The following SLC25A21 variants were observed in gnomAD, a reference collection of about 807,000 sequenced individuals.
SLC25A21 encodes mitochondrial 2-oxodicarboxylate carrier.
SLC25A21 carries 47 observed loss-of-function variants against 43.8 expected under a neutral mutation model. The ratio of observed to expected loss-of-function variants is 1.07; its 90% CI spans 0.85 to 1.37. SLC25A21 has a LOEUF of 1.37. Ranked by LOEUF, SLC25A21 falls within the 40% of genes most tolerant of loss-of-function variation. The probability of loss-of-function intolerance (pLI) is 0.00; values close to 1 mark genes in which losing one functional copy is unlikely to be tolerated. For missense variants in SLC25A21, 352 were observed against 350.2 expected, an observed-to-expected ratio of 1.00 and a Z score of -0.04; for synonymous variants, 131 against 121.3, an observed-to-expected ratio of 1.08 and a Z score of -0.52.
At chr14:36,835,021 A>C (rs1410673739) in intron 2 of SLC25A21, among the ~76,000 whole-genome samples, 2 of 152,234 alleles carry the variant, frequency 1.3e-5, no homozygotes, top group Admixed American at 6.5e-5. Flanking sequence ...AAAGTAAACA[A>C]AAATCAATTT....
intron 2 of SLC25A21, among the ~76,000 whole-genome samples, chr14:36,837,782 T>C (rs1327769868): frequency 2.0e-5 from 3 of 152,198 alleles, no homozygotes; most frequent in Admixed American, 2.0e-4. Context: ...CTCCTCACAC[T>C]GAAAGACTTC....
chr14:36,849,225 C>T (rs1235285568), intron 2 of SLC25A21, among the ~76,000 whole-genome samples: 1 of 152,170 alleles, frequency 6.6e-6, no homozygotes, highest in East Asian at 1.9e-4. Context: ...GATAACTCTC[C>T]TCTGATTTCT....
intron 1 of SLC25A21, among the ~76,000 whole-genome samples, chr14:37,163,293 A>ATAAT (rs1440179739): frequency 2.0e-5 from 2 of 102,526 alleles, no homozygotes; most frequent in African/African-American, 5.5e-5. Flanking sequence ...AAGTATAATA[A>ATAAT]TAATAAATAA....
intron 2 of SLC25A21, among the ~76,000 whole-genome samples, chr14:36,844,851 A>G (rs1889494079): frequency 6.6e-6 from 1 of 152,214 alleles, no homozygotes; most frequent in East Asian, 1.9e-4. Context: ...GAGACTGGCC[A>G]AGGGCTAATA....
chr14:36,972,176 G>A (rs79260707), intron 1 of SLC25A21, among the ~76,000 whole-genome samples: 5,780 of 152,198 alleles, frequency 0.038, 249 homozygotes, highest in East Asian at 0.15. Flanking sequence ...ATGCTGTACA[G>A]GTTTGTAGCC....
intron 9 of SLC25A21, among the ~76,000 whole-genome samples, chr14:36,681,363 T>A (rs1360072803): frequency 6.6e-6 from 1 of 152,198 alleles, no homozygotes; most frequent in Non-Finnish European, 1.5e-5. Flanking sequence ...GAGACCACCA[T>A]TTGTCTTGGA....
chr14:36,699,556 G>A (rs930534036), intron 7 of SLC25A21, among the ~76,000 whole-genome samples: 2 of 152,218 alleles, frequency 1.3e-5, no homozygotes, highest in African/African-American at 4.8e-5. Context: ...TACCCACAGA[G>A]GTGGAGTCTA....
At chr14:37,079,682 A>G (rs1380315942) in intron 1 of SLC25A21, among the ~76,000 whole-genome samples, 1 of 152,184 alleles carries the variant, frequency 6.6e-6, no homozygotes, top group Non-Finnish European at 1.5e-5. Context: ...TCCTGCTCAG[A>G]CCAAAGATTT....
At chr14:36,859,358 G>T (rs959277159) in intron 2 of SLC25A21, among the ~76,000 whole-genome samples, 3 of 152,154 alleles carry the variant, frequency 2.0e-5, no homozygotes, top group African/African-American at 7.2e-5. Context: ...CATGAGTTGT[G>T]CAAGTAAAAA....
chr14:36,885,979 G>A (rs566572771), intron 1 of SLC25A21, among the ~76,000 whole-genome samples: 1 of 152,240 alleles, frequency 6.6e-6, no homozygotes, highest in African/African-American at 2.4e-5. Flanking sequence ...CTGATTTTGT[G>A]TAATATTCTT....
intron 2 of SLC25A21, among the ~76,000 whole-genome samples, chr14:36,842,633 C>T (rs1361172191): frequency 1.3e-5 from 2 of 152,066 alleles, no homozygotes; most frequent in East Asian, 1.9e-4. Flanking sequence ...TATATTGGTG[C>T]CAATAAAGAA....
intron 1 of SLC25A21, among the ~76,000 whole-genome samples, chr14:37,083,450 T>C (rs912734236): frequency 6.6e-6 from 1 of 152,200 alleles, no homozygotes; most frequent in Non-Finnish European, 1.5e-5. Context: ...ACTACAATAA[T>C]GCCAAACACA....
At chr14:36,718,099 A>G (rs1765633159) in intron 6 of SLC25A21, among the ~76,000 whole-genome samples, 1 of 152,210 alleles carries the variant, frequency 6.6e-6, no homozygotes, top group Admixed American at 6.5e-5. Context: ...GGCAACTTGC[A>G]GAGTGTCTGA....
At chr14:37,134,150 G>A (rs537303346) in intron 1 of SLC25A21, among the ~76,000 whole-genome samples, 8 of 152,170 alleles carry the variant, frequency 5.3e-5, no homozygotes, top group Non-Finnish European at 7.3e-5. Context: ...AGAAGTTAGC[G>A]ACAGTCTTGA....
chr14:36,779,378 T>C (rs1192169371), intron 3 of SLC25A21, among the ~76,000 whole-genome samples: 7 of 144,832 alleles, frequency 4.8e-5, no homozygotes, highest in African/African-American at 1.3e-4. Flanking sequence ...TCTCTATATA[T>C]ACACACACAT....
intron 1 of SLC25A21, among the ~76,000 whole-genome samples, chr14:37,101,258 T>G (rs1962812216): frequency 6.6e-6 from 1 of 152,212 alleles, no homozygotes; most frequent in Non-Finnish European, 1.5e-5. Context: ...CAGTCTATAT[T>G]TTTATTCATA....
At chr14:37,151,378 G>T (rs1963756234) in intron 1 of SLC25A21, among the ~76,000 whole-genome samples, 1 of 152,198 alleles carries the variant, frequency 6.6e-6, no homozygotes, top group African/African-American at 2.4e-5. Flanking sequence ...CAGAAAAAAA[G>T]ATGCCGCATT....
At chr14:37,007,476 G>C (rs925584739) in intron 1 of SLC25A21, among the ~76,000 whole-genome samples, 1 of 151,952 alleles carries the variant, frequency 6.6e-6, no homozygotes. Context: ...GGTAGCGATT[G>C]CCTGTAATCC....
chr14:36,903,054 T>C (rs1594681135), intron 1 of SLC25A21, among the ~76,000 whole-genome samples: 1 of 152,160 alleles, frequency 6.6e-6, no homozygotes, highest in Admixed American at 6.6e-5. Context: ...ATAAAAATAA[T>C]AGTGGTTCTA....
Sources: gnomAD v4.1 joint callset for allele counts (sites outside exome capture counted in the v4.1 genomes callset) on GRCh38, gnomAD v4.1.1 for gene constraint, MANE v1.5 for transcripts, NCBI Gene and HGNC (gene_info 2026-07-23, HGNC 2026-07-21) for gene names.